The following MYZAP variants were observed in gnomAD, a reference collection of about 807,000 sequenced individuals.
MYZAP encodes GRINL1A complex locus upstream.
MYZAP carries 66 observed loss-of-function variants against 69.4 expected under a neutral mutation model. The ratio of observed to expected loss-of-function variants is 0.95; its 90% CI spans 0.78 to 1.17. MYZAP has a LOEUF of 1.17. Among genes scored for constraint, MYZAP ranks in the 50% most tolerant of loss-of-function variants. The pLI is 0.00. For missense variants in MYZAP, 611 were observed against 556.2 expected (o/e 1.10, Z -0.99); for synonymous variants, 256 against 205.9 (o/e 1.24, Z -2.09).
chr15:57,621,790 A>G, intron 4 of MYZAP, 90 bp downstream of exon 4: 3 of 1,154,418 alleles, frequency 2.6e-6, no homozygotes, highest in South Asian at 1.6e-5. Flanking sequence ...ATATTAGAGT[A>G]TCTAGTGTTC....
At chr15:57,665,886 G>A (rs1452393231) in intron 11 of MYZAP, among the ~76,000 whole-genome samples, 1 of 152,274 alleles carries the variant, frequency 6.6e-6, no homozygotes, top group East Asian at 1.9e-4. Flanking sequence ...ATACCTAAGG[G>A]CTTTGTGTTT....
intron 9 of MYZAP, among the ~76,000 whole-genome samples, chr15:57,638,385 C>T (rs577479517): frequency 7.2e-5 from 11 of 152,232 alleles, no homozygotes; most frequent in East Asian, 3.9e-4. Flanking sequence ...ACGGGGGAGA[C>T]GGGTATGACG....
At chr15:57,655,786 A>C (rs1241635322) in intron 10 of MYZAP, among the ~76,000 whole-genome samples, 1 of 152,252 alleles carries the variant, frequency 6.6e-6, no homozygotes, top group Non-Finnish European at 1.5e-5. Context: ...AAAATTAGAA[A>C]AAATTCTATT....
intron 12 of MYZAP, chr15:57,680,772 C>G (rs2039392624): frequency 6.6e-6 from 1 of 152,188 alleles, no homozygotes; most frequent in African/African-American, 2.4e-5. Context: ...TCCCCATGGT[C>G]ATAAGTGCTC....
At chr15:57,638,567 AG>A (rs2036951467) in intron 9 of MYZAP, among the ~76,000 whole-genome samples, 1 of 152,214 alleles carries the variant, frequency 6.6e-6, no homozygotes, top group African/African-American at 2.4e-5. Context: ...GCTGAGGCAG[AG>A]ATGGGGCACG....
Position 57,591,961 on chromosome 15 carries a change from A to G in MYZAP, c.-74A>G, listed in dbSNP as rs1293301223. ...GCGCCGTCCCGCGTCGCCCCCGCGC[A>G]GGGCGGGCCCCGCACGCTTATTCTG... is the stretch of plus-strand genomic sequence containing the variant. On this transcript the variant is annotated 5_prime_UTR_variant, in exon 1 of 13. Transcript: ENST00000267853. The G allele has an allele frequency of 8.1e-7, 1 of 1,227,220 alleles. No individual in the cohort carries two copies. The highest frequency in any genetic ancestry group is 1.0e-6 in the Non-Finnish European group (1 of 978,436). The allele number at this position is 1,227,220 out of a possible 1,614,324, so 76.0% of individuals were successfully genotyped here.
intron 2 of MYZAP, among the ~76,000 whole-genome samples, chr15:57,605,694 C>CCTA (rs2034699153): frequency 6.6e-6 from 1 of 152,040 alleles, no homozygotes. Flanking sequence ...TGCTGATCTG[C>CCTA]CTAAAAAGAG....
chr15:57,679,377 TCTC>T (rs2039316432), intron 12 of MYZAP, among the ~76,000 whole-genome samples: 129 of 113,020 alleles, frequency 1.1e-3, no homozygotes, highest in Middle Eastern at 4.7e-3. Context: ...TGTGTGTGTT[TCTC>T]TCTCTCTCTC....
chr15:57,609,645 A>G (rs1421784872), intron 2 of MYZAP, among the ~76,000 whole-genome samples: 16 of 152,208 alleles, frequency 1.1e-4, no homozygotes, highest in African/African-American at 3.9e-4. Flanking sequence ...CTTTGAGGAA[A>G]TCACCTTGAA....
intron 2 of MYZAP, 57 bp from the exon 3 acceptor site, chr15:57,617,976 C>G: frequency 6.4e-7 from 1 of 1,563,322 alleles, no homozygotes. Context: ...GTTATTACAA[C>G]TGTGCATGAG....
intron 2 of MYZAP, among the ~76,000 whole-genome samples, chr15:57,605,381 A>T (rs1326217198): frequency 6.6e-6 from 1 of 152,242 alleles, no homozygotes; most frequent in East Asian, 1.9e-4. Flanking sequence ...AAAGTAAAAC[A>T]AAATAAAATG....
chr15:57,653,232 A>G lies in MYZAP; in HGVS notation c.1120-8218A>G, dbSNP rs192656930. On this transcript the variant is annotated intron_variant, in intron 10 of 12. Transcript: ENST00000267853. ...GAAATGAAAATGAAATGAAAACATT[A>G]TAAAGAAATTTCAAATAAAATAATT... 1.5e-3 allele frequency among the ~76,000 whole-genome samples: 223 copies of G among 152,338 alleles called. 3 individuals are homozygous for G. The highest frequency in any genetic ancestry group is 5.0e-3 in the African/African-American group (208 of 41,568).
At chr15:57,683,069 G>T (rs1047270315) in intron 12 of MYZAP, among the ~76,000 whole-genome samples, 6 of 152,114 alleles carry the variant, frequency 3.9e-5, no homozygotes, top group Non-Finnish European at 7.3e-5. Context: ...AAATAAACAA[G>T]GGACAGTGGC....
chr15:57,639,387 C>T, intron 9 of MYZAP, 53 bp from the exon 10 acceptor site: 2 of 1,578,510 alleles, frequency 1.3e-6, no homozygotes, highest in Non-Finnish European at 1.7e-6. Flanking sequence ...GTTGCTACTG[C>T]TGTTGCTGCT....
intron 2 of MYZAP, among the ~76,000 whole-genome samples, chr15:57,610,336 G>A (rs2035024516): frequency 6.6e-6 from 1 of 152,210 alleles, no homozygotes; most frequent in Non-Finnish European, 1.5e-5. Context: ...TAAAAGCCTT[G>A]GATGAATAAG....
At chr15:57,625,119 G>T (rs567301096) in intron 4 of MYZAP, among the ~76,000 whole-genome samples, 99 of 151,290 alleles carry the variant, frequency 6.5e-4, no homozygotes, top group African/African-American at 2.4e-3. Context: ...GTGCAATGGC[G>T]CCATCTCAGC....
At position 57,629,569 on chromosome 15, in the gene MYZAP, C is replaced by G. The variant is rs549217825; in HGVS notation, c.526-133C>G. ...CCACAGTCCCTCACAGCACAGGGTC[C>G]CAGACTGGCAGTTGCTGTAGCCTAG... is the stretch of plus-strand genomic sequence containing the variant. On this transcript the variant is annotated intron_variant, in intron 5 of 12. Coordinates refer to ENST00000267853, the MANE Select transcript of MYZAP (RefSeq NM_001018100.5). The G allele has an allele frequency of 1.2e-5, 15 of 1,253,546 alleles. No individual in the cohort carries two copies. The East Asian group carries it at 3.3e-4, about 28-fold the overall frequency. The allele number at this position is 1,253,546 out of a possible 1,614,324, so 77.7% of individuals were successfully genotyped here. A position where few individuals can be genotyped will look rare whatever the true frequency, so the allele number is the denominator to read the frequency against.
At chr15:57,664,623 ATTCT>A (rs1319657372) in intron 11 of MYZAP, among the ~76,000 whole-genome samples, 1 of 152,210 alleles carries the variant, frequency 6.6e-6, no homozygotes, top group African/African-American at 2.4e-5. Flanking sequence ...TTCTTTAGTT[ATTCT>A]TTCTAACATA....
intron 1 of MYZAP, among the ~76,000 whole-genome samples, chr15:57,601,777 A>G (rs1404755683): frequency 6.6e-6 from 1 of 152,168 alleles, no homozygotes; most frequent in African/African-American, 2.4e-5. Flanking sequence ...TGTTTCGTCC[A>G]GAAGAAAGGA....
Sources: gnomAD v4.1 joint callset for allele counts (sites outside exome capture counted in the v4.1 genomes callset) on GRCh38, gnomAD v4.1.1 for gene constraint, MANE v1.5 for transcripts, NCBI Gene and HGNC (gene_info 2026-07-23, HGNC 2026-07-21) for gene names.